The following RNF144A variants were observed in gnomAD, a reference collection of about 807,000 sequenced individuals.
RNF144A encodes the protein ring finger protein 144A, also known as E3 ubiquitin-protein ligase RNF144A.
A neutral mutation model predicts 38.7 loss-of-function variants in RNF144A; 11 were observed. The observed-to-expected ratio is 0.28, with a 90% confidence interval of 0.18 to 0.47. RNF144A has a LOEUF of 0.47. Ranked by LOEUF, RNF144A falls within the 20% of genes least tolerant of loss-of-function variation. RNF144A has a pLI of 0.99. For missense variants in RNF144A, 316 were observed against 377.2 expected (o/e 0.84, Z 1.34); for synonymous variants, 149 against 143.9 (o/e 1.04, Z -0.25).
At chr2:7,073,984 C>A in the RNF144A span, among the ~76,000 whole-genome samples, 20,280 of 152,222 alleles carry the variant, frequency 0.13, 1,382 homozygotes, top group African/African-American at 0.15. Context: ...TTTATCATCC[C>A]CCTTACTTGA....
intron 8 of RNF144A, among the ~76,000 whole-genome samples, chr2:7,035,383 A>G (rs1271465491): frequency 6.6e-6 from 1 of 152,158 alleles, no homozygotes; most frequent in Admixed American, 6.5e-5. Context: ...GCACACCCAC[A>G]TCGACATAAC....
At chr2:7,048,154 T>C (rs896373141), downstream of RNF144A, among the ~76,000 whole-genome samples, 1 of 152,144 alleles carries the variant, frequency 6.6e-6, no homozygotes, top group East Asian at 1.9e-4. Flanking sequence ...CAGGAAATCC[T>C]GAGGGGGAAA....
chr2:6,956,623 C>T (rs967569258), intron 2 of RNF144A, among the ~76,000 whole-genome samples: 12 of 151,998 alleles, frequency 7.9e-5, no homozygotes, highest in African/African-American at 2.2e-4. Flanking sequence ...GATCTTAGAC[C>T]GAGATTTTTG....
chr2:6,992,091 G>A (rs1669424536), intron 2 of RNF144A, among the ~76,000 whole-genome samples: 1 of 152,200 alleles, frequency 6.6e-6, no homozygotes, highest in Non-Finnish European at 1.5e-5. Context: ...CTGAGTTTTG[G>A]TATTGTTGAA....
At chr2:7,000,174 C>T (rs533238275) in intron 3 of RNF144A, among the ~76,000 whole-genome samples, 6 of 152,334 alleles carry the variant, frequency 3.9e-5, no homozygotes, top group African/African-American at 1.4e-4. Context: ...AGGTGCTGTG[C>T]TAGGCCTTGG....
At position 7,020,509 on chromosome 2, in the gene RNF144A, C is replaced by T. The variant is rs777591662; in HGVS notation, c.338C>T (p.Ala113Val). The change falls in exon 6 of 9, where the codon GCG becomes GTG. Residue 113 changes from alanine to valine, a missense_variant. Ala to Val is a moderately conservative substitution (Grantham distance 64). Transcript: ENST00000320892. ...LFDPCRTWCP[A>V]STCQAVCQLQ... ...GATCCCTGTCGGACTTGGTGCCCGG[C>T]GTCCACCTGCCAAGCTGTGTGTCAG... The T allele has an allele frequency of 1.5e-5, 24 of 1,613,600 alleles. No homozygotes were observed. Among genetic ancestry groups the T allele is most frequent in the South Asian group, 1.3e-4 (12 of 91,092 alleles).
intron 3 of RNF144A, among the ~76,000 whole-genome samples, chr2:7,001,116 A>G (rs979381010): frequency 1.3e-5 from 2 of 151,888 alleles, no homozygotes; most frequent in African/African-American, 4.8e-5. Context: ...CCTGGCCAAC[A>G]TGTTGAAACC....
In RNF144A at chr2:7,044,170, CT is replaced by C; in HGVS notation, c.*4414del. The stretch of plus-strand genomic sequence containing the variant: ...GCTATTTTGGCTGGAATACAGGTGA[CT>C]TTTGTAAACCCCGCGTGGCTCCGTC... On this transcript the variant is annotated 3_prime_UTR_variant, in exon 9 of 9. Coordinates refer to ENST00000320892, the MANE Select transcript of RNF144A (RefSeq NM_014746.6). The C allele has an allele frequency of 1.0e-6, 1 of 985,608 alleles. No individual in the cohort carries two copies. Among genetic ancestry groups the C allele is most frequent in the Non-Finnish European group, 1.2e-6 (1 of 829,924 alleles). The allele number at this position is 985,608 out of a possible 1,614,324, so 61.1% of individuals were successfully genotyped here. A position where few individuals can be genotyped will look rare whatever the true frequency, so the allele number is the denominator to read the frequency against.
At chr2:6,920,145 C>A (rs1174559630) in intron 1 of RNF144A, among the ~76,000 whole-genome samples, 2 of 152,224 alleles carry the variant, frequency 1.3e-5, no homozygotes, top group Admixed American at 1.3e-4. Context: ...CGTTGCCTGC[C>A]TCTGAGAACA....
chr2:7,043,988 T>A lies in RNF144A; in HGVS notation c.*4228T>A. ...TCAGTACATTTTGTGCCACTAACAC[T>A]GTGATGTATAAAAGAGCTGTTTGAA... On this transcript the variant is annotated 3_prime_UTR_variant, in exon 9 of 9. Transcript: ENST00000320892. 1.0e-6 allele frequency: 1 copy of A among 985,894 alleles called. No homozygotes were observed. The highest frequency in any genetic ancestry group is 1.2e-6 in the Non-Finnish European group (1 of 829,922). The allele number at this position is 985,894 out of a possible 1,614,324, so 61.1% of individuals were successfully genotyped here. A position where few individuals can be genotyped will look rare whatever the true frequency, so the allele number is the denominator to read the frequency against.
At chr2:6,949,868 C>T (rs917979438) in intron 2 of RNF144A, among the ~76,000 whole-genome samples, 1 of 152,160 alleles carries the variant, frequency 6.6e-6, no homozygotes, top group African/African-American at 2.4e-5. Flanking sequence ...AATTATTAAA[C>T]TACAGAGAGT....
chr2:7,005,370 G>A (rs72781778), intron 3 of RNF144A, among the ~76,000 whole-genome samples: 3,998 of 152,286 alleles, frequency 0.026, 74 homozygotes, highest in Non-Finnish European at 0.04. Flanking sequence ...GGTCTGAGAG[G>A]TTCAGAGATG....
At chr2:6,928,313 A>G (rs1040474686) in intron 1 of RNF144A, among the ~76,000 whole-genome samples, 1 of 152,146 alleles carries the variant, frequency 6.6e-6, no homozygotes, top group African/African-American at 2.4e-5. Flanking sequence ...TCTTTGCATC[A>G]AGTTCATTGC....
Position 7,043,928 on chromosome 2 carries a change from A to G in RNF144A, c.*4168A>G, listed in dbSNP as rs942747653. ...GTATTTGACAAGTGGTGGTGAAACAAAATCAAAACAGATTTGATTTGTGTT... is the reference window on the plus strand; with the variant it reads ...GTATTTGACAAGTGGTGGTGAAACAGAATCAAAACAGATTTGATTTGTGTT... On this transcript the variant is annotated 3_prime_UTR_variant, in exon 9 of 9. Transcript: ENST00000320892. The G allele has an allele frequency of 1.1e-4, 106 of 985,770 alleles. No individual in the cohort carries two copies. The highest frequency in any genetic ancestry group is 1.2e-4 in the Non-Finnish European group (99 of 829,934). 61.1% of individuals were successfully genotyped at this position (985,770 alleles called of 1,614,324 possible).
At chr2:7,011,787 A>G (rs1312914918) in intron 3 of RNF144A, among the ~76,000 whole-genome samples, 3 of 152,186 alleles carry the variant, frequency 2.0e-5, no homozygotes, top group African/African-American at 4.8e-5. Context: ...GTCATGACCC[A>G]CTTTATATCT....
chr2:7,054,344 A>G (rs1268930812), intron 6 of RNF144A, among the ~76,000 whole-genome samples: 2 of 152,232 alleles, frequency 1.3e-5, no homozygotes, highest in African/African-American at 4.8e-5. Flanking sequence ...ACATATACAT[A>G]CATATGTACA....
At chr2:7,056,943 C>T (rs1422128232) in intron 6 of RNF144A, among the ~76,000 whole-genome samples, 2 of 152,198 alleles carry the variant, frequency 1.3e-5, no homozygotes, top group Non-Finnish European at 2.9e-5. Context: ...CACCTTGGGG[C>T]TCTTAGTTCT....
intron 5 of RNF144A, among the ~76,000 whole-genome samples, chr2:7,015,425 T>C (rs968273252): frequency 1.3e-4 from 20 of 152,360 alleles, no homozygotes; most frequent in African/African-American, 4.8e-4. Flanking sequence ...TGACCCTTCA[T>C]CGTGAGCCCT....
downstream of RNF144A, among the ~76,000 whole-genome samples, chr2:7,046,171 C>T (rs911474388): frequency 2.6e-5 from 4 of 152,138 alleles, no homozygotes; most frequent in African/African-American, 4.8e-5. Flanking sequence ...TGATGTGGCT[C>T]GACCACAAGA....
Sources: gnomAD v4.1 joint callset for allele counts (sites outside exome capture counted in the v4.1 genomes callset) on GRCh38, gnomAD v4.1.1 for gene constraint, MANE v1.5 for transcripts, NCBI Gene and HGNC (gene_info 2026-07-23, HGNC 2026-07-21) for gene names.